CWC27: variants seen among roughly 807,000 people sequenced by gnomAD.
The protein encoded by CWC27 is spliceosome-associated protein CWC27 homolog.
A neutral mutation model predicts 63.6 loss-of-function variants in CWC27; 47 were observed. That is an observed-to-expected ratio of 0.74 (90% CI 0.58 to 0.94). CWC27 has a LOEUF of 0.94. Among genes scored for constraint, CWC27 ranks in the 40% least tolerant of loss-of-function variants. CWC27 has a pLI of 0.00. For missense variants in CWC27, 495 were observed against 554.3 expected (o/e 0.89, Z 1.07); for synonymous variants, 175 against 179.8 (o/e 0.97, Z 0.22).
chr5:64,819,128 G>C (rs1745124786), intron 10 of CWC27, among the ~76,000 whole-genome samples: 1 of 152,144 alleles, frequency 6.6e-6, no homozygotes, highest in Non-Finnish European at 1.5e-5. Context: ...AGGTTCGGAT[G>C]TTTGCAGAAG....
chr5:64,915,281 T>C (rs1263001673), intron 11 of CWC27, among the ~76,000 whole-genome samples: 4 of 152,204 alleles, frequency 2.6e-5, no homozygotes, highest in African/African-American at 4.8e-5. Context: ...TAGGTAGTGC[T>C]GTTTAGTAGC....
intron 7 of CWC27, among the ~76,000 whole-genome samples, chr5:64,792,295 C>T (rs58129888): frequency 1.7e-4 from 26 of 152,194 alleles, no homozygotes; most frequent in African/African-American, 5.8e-4. Context: ...GCCTGGGAAG[C>T]TGTACTTTTA....
chr5:64,786,038 G>A (rs145305014), intron 5 of CWC27, among the ~76,000 whole-genome samples: 2,670 of 151,774 alleles, frequency 0.018, 73 homozygotes, highest in African/African-American at 0.058. Flanking sequence ...GGTGGCATAC[G>A]CCTGTAGTCC....
chr5:64,892,054 C>T (rs758839535), intron 11 of CWC27, among the ~76,000 whole-genome samples: 16 of 152,266 alleles, frequency 1.1e-4, no homozygotes, highest in South Asian at 2.1e-4. Context: ...CTCAGCCTCC[C>T]GAAGTGCTGG....
At chr5:64,947,549 C>A (rs530316519) in intron 11 of CWC27, among the ~76,000 whole-genome samples, 1 of 152,068 alleles carries the variant, frequency 6.6e-6, no homozygotes, top group Admixed American at 6.6e-5. Flanking sequence ...AGCTAAAAGT[C>A]TAATCAGAAT....
chr5:64,814,645 A>G (rs1451668079), intron 10 of CWC27, among the ~76,000 whole-genome samples: 2 of 152,208 alleles, frequency 1.3e-5, no homozygotes, highest in Non-Finnish European at 1.5e-5. Flanking sequence ...TGAACCTGCA[A>G]TGGTATGACA....
chr5:64,989,978 A>G (rs1359441478), intron 13 of CWC27, among the ~76,000 whole-genome samples: 1 of 152,060 alleles, frequency 6.6e-6, no homozygotes, highest in African/African-American at 2.4e-5. Flanking sequence ...AAAAAAAAAA[A>G]GCAATACTGG....
chr5:64,973,844 A>G (rs1052713097), intron 12 of CWC27, among the ~76,000 whole-genome samples: 2 of 152,144 alleles, frequency 1.3e-5, no homozygotes, highest in African/African-American at 4.8e-5. Flanking sequence ...TTTCTAGGAA[A>G]TTTTAAAATT....
intron 10 of CWC27, among the ~76,000 whole-genome samples, chr5:64,829,529 C>T (rs1315190511): frequency 2.0e-5 from 3 of 151,666 alleles, no homozygotes; most frequent in Non-Finnish European, 2.9e-5. Flanking sequence ...CATGGAATAC[C>T]GTTAGAACTA....
At chr5:64,818,534 G>A (rs930987770) in intron 10 of CWC27, among the ~76,000 whole-genome samples, 1 of 152,156 alleles carries the variant, frequency 6.6e-6, no homozygotes. Context: ...CTTTGGCTTG[G>A]CTCCAAAGCA....
At chr5:64,966,601 G>A (rs1054018995) in intron 11 of CWC27, among the ~76,000 whole-genome samples, 1 of 152,040 alleles carries the variant, frequency 6.6e-6, no homozygotes, top group African/African-American at 2.4e-5. Flanking sequence ...TGTGGAACCA[G>A]GATTCAGATC....
intron 7 of CWC27, among the ~76,000 whole-genome samples, chr5:64,789,877 T>A (rs1391737558): frequency 6.6e-6 from 1 of 152,172 alleles, no homozygotes; most frequent in Non-Finnish European, 1.5e-5. Flanking sequence ...CCTATAAGCC[T>A]TACTTGCTTA....
At chr5:64,913,180 A>T (rs1161608052) in intron 11 of CWC27, among the ~76,000 whole-genome samples, 1 of 152,162 alleles carries the variant, frequency 6.6e-6, no homozygotes, top group Non-Finnish European at 1.5e-5. Context: ...GAGAGAAAAC[A>T]TTTAACAAAA....
chr5:64,922,358 G>A (rs1297841874), intron 11 of CWC27, among the ~76,000 whole-genome samples: 3 of 141,592 alleles, frequency 2.1e-5, no homozygotes, highest in African/African-American at 9.5e-5. Flanking sequence ...ATTTTTGTCT[G>A]CCTGTGTGGC....
chr5:64,833,628 T>C (rs1745586158), intron 10 of CWC27, among the ~76,000 whole-genome samples: 1 of 151,760 alleles, frequency 6.6e-6, no homozygotes, highest in Non-Finnish European at 1.5e-5. Context: ...TATGTATTCT[T>C]TGCAACCTAG....
rs2112176876 is a variant in CWC27, at chr5:64,788,325, A to G, written c.600-626A>G. 2.0e-5 allele frequency among the ~76,000 whole-genome samples: 3 copies of G among 152,040 alleles called. No individual in the cohort carries two copies. In the East Asian group the frequency reaches 5.8e-4, roughly 29 times the overall value. ...GCTTGCTTCTAGGCTTTGGGAAAAA[A>G]AAAAATCTGTTTCACTGCCACATCT... On this transcript the variant is annotated intron_variant, in intron 6 of 13. Transcript: ENST00000381070.
chr5:64,993,065 A>G (rs1015521658), intron 13 of CWC27, among the ~76,000 whole-genome samples: 5 of 152,096 alleles, frequency 3.3e-5, no homozygotes, highest in South Asian at 4.1e-4. Flanking sequence ...TCTAAGCCTC[A>G]ATTTCTTCAC....
chr5:64,790,135 G>A (rs1051874947), intron 7 of CWC27, among the ~76,000 whole-genome samples: 2 of 152,054 alleles, frequency 1.3e-5, no homozygotes, highest in African/African-American at 2.4e-5. Flanking sequence ...CTTGAGTGAT[G>A]TATTTGATGC....
rs1253098983 is a variant in CWC27, at chr5:64,847,008, A to AG, written c.939-38435_939-38434insG. On this transcript the variant is annotated intron_variant, in intron 10 of 13. Transcript: ENST00000381070. ...GACTCCATCTCAAAAAAAAAAAAAA[A>AG]AAAGAAAAAGGAAATGGCAATAGTA... is the stretch of plus-strand genomic sequence containing the variant. Among the ~76,000 whole-genome samples the AG allele has an allele frequency of 5.9e-5, 9 of 151,726 alleles. No homozygotes were observed. The East Asian group carries it at 9.7e-4, about 16-fold the overall frequency.
Sources: gnomAD v4.1 joint callset for allele counts (sites outside exome capture counted in the v4.1 genomes callset) on GRCh38, gnomAD v4.1.1 for gene constraint, MANE v1.5 for transcripts, NCBI Gene and HGNC (gene_info 2026-07-23, HGNC 2026-07-21) for gene names.